VGLL4: variants seen among roughly 807,000 people sequenced by gnomAD.
VGLL4 encodes the protein transcription cofactor vestigial-like protein 4.
Under a neutral mutation model 21.0 loss-of-function variants are expected in VGLL4, and 7 were observed. That is an observed-to-expected ratio of 0.33 (90% confidence interval 0.19 to 0.63). The LOEUF (loss-of-function observed/expected upper bound fraction) is 0.63, where lower values mean the gene tolerates loss of function less well. Among genes scored for constraint, VGLL4 ranks in the 20% least tolerant of loss-of-function variants. VGLL4 has a pLI of 0.78. For synonymous variants in VGLL4, 222 were observed against 173.2 expected (o/e 1.28, Z -2.21); for missense variants, 394 against 425.7 (o/e 0.93, Z 0.66).
chr3:11,621,078 A>C (rs1413086119), intron 1 of VGLL4, among the ~76,000 whole-genome samples: 2 of 152,244 alleles, frequency 1.3e-5, no homozygotes, highest in African/African-American at 2.4e-5. Context: ...ATTTTAATGT[A>C]AGCAAATGCA....
intron 2 of VGLL4, among the ~76,000 whole-genome samples, chr3:11,600,404 G>A (rs1191104932): frequency 6.6e-6 from 1 of 152,084 alleles, no homozygotes; most frequent in East Asian, 1.9e-4. Context: ...TCTTATTTGG[G>A]TTTGGGAAAA....
chr3:11,596,823 C>T (rs545880290), intron 2 of VGLL4, among the ~76,000 whole-genome samples: 1 of 152,088 alleles, frequency 6.6e-6, no homozygotes, highest in African/African-American at 2.4e-5. Flanking sequence ...AGTCTAGAAG[C>T]AATGTGATCA....
At chr3:11,715,594 A>G (rs1465042077) in intron 1 of VGLL4, among the ~76,000 whole-genome samples, 4 of 152,118 alleles carry the variant, frequency 2.6e-5, no homozygotes, top group Admixed American at 2.6e-4. Context: ...TCGGCCTCCC[A>G]AAGTGCTGGG....
At chr3:11,715,483 A>G (rs1330258080) in intron 1 of VGLL4, among the ~76,000 whole-genome samples, 1 of 152,002 alleles carries the variant, frequency 6.6e-6, no homozygotes, top group Admixed American at 6.6e-5. Flanking sequence ...ACAGGTGCCC[A>G]CCACCATGCC....
At chr3:11,654,545 CT>C (rs1273788085) in intron 2 of VGLL4, among the ~76,000 whole-genome samples, 7 of 152,230 alleles carry the variant, frequency 4.6e-5, no homozygotes, top group South Asian at 4.1e-4. Flanking sequence ...TGAATTTTAC[CT>C]TATTAGCTTT....
At position 11,672,575 on chromosome 3, in the gene VGLL4, G is replaced by A. The variant is rs371564849; in HGVS notation, c.64+30396C>T. On this transcript the variant is annotated intron_variant, in intron 2 of 5. Coordinates refer to the VGLL4 transcript ENST00000273038. ...ATCTGTCAAACTTCTGCAAGGTAAT[G>A]ACATACTCATCCTGAGCTGTCACCT... Among the ~76,000 whole-genome samples, 9 of 152,284 alleles carry A rather than the reference G, an allele frequency of 5.9e-5. No homozygotes were observed. The South Asian group carries it at 1.9e-3, about 32-fold the overall frequency.
intron 2 of VGLL4, among the ~76,000 whole-genome samples, chr3:11,649,060 A>C (rs2075832842): frequency 1.3e-5 from 2 of 152,232 alleles, no homozygotes. Context: ...GAAGAGTTTC[A>C]TAAAGATGCT....
At chr3:11,560,695 G>A (rs114292484) in intron 3 of VGLL4, among the ~76,000 whole-genome samples, 2,873 of 152,272 alleles carry the variant, frequency 0.019, 77 homozygotes, top group African/African-American at 0.064. Context: ...GGTAGGGGGG[G>A]ATGTGGCTTA....
intron 2 of VGLL4, among the ~76,000 whole-genome samples, chr3:11,701,851 A>G (rs1397896137): frequency 6.6e-6 from 1 of 152,222 alleles, no homozygotes; most frequent in Non-Finnish European, 1.5e-5. Flanking sequence ...TAGAAAAAGA[A>G]CTGTTCCTAC....
At chr3:11,646,663 T>C (rs1465498849), upstream of VGLL4, among the ~76,000 whole-genome samples, 1 of 152,230 alleles carries the variant, frequency 6.6e-6, no homozygotes, top group Non-Finnish European at 1.5e-5. Flanking sequence ...AATACCATTG[T>C]AGAAAATGAA....
At chr3:11,619,503 G>A (rs780637189) in intron 1 of VGLL4, among the ~76,000 whole-genome samples, 1 of 152,198 alleles carries the variant, frequency 6.6e-6, no homozygotes, top group Non-Finnish European at 1.5e-5. Context: ...CCTAGGGTGT[G>A]TAATGCAATG....
intron 2 of VGLL4, among the ~76,000 whole-genome samples, chr3:11,650,671 T>C (rs2075857336): frequency 6.6e-6 from 1 of 152,134 alleles, no homozygotes; most frequent in Non-Finnish European, 1.5e-5. Flanking sequence ...ATTTAGTTAA[T>C]ACTTTCATTT....
At chr3:11,690,551 T>C (rs902517355) in intron 2 of VGLL4, among the ~76,000 whole-genome samples, 9 of 152,130 alleles carry the variant, frequency 5.9e-5, no homozygotes, top group African/African-American at 1.9e-4. Flanking sequence ...GAACAGACTT[T>C]AGGCCTCTTG....
chr3:11,720,447 T>G (rs1272144301), exon 1 of VGLL4: 1 of 152,620 alleles, frequency 6.6e-6, no homozygotes, highest in African/African-American at 2.4e-5. Flanking sequence ...GCCACTGCGC[T>G]CAGAACGGCC....
chr3:11,634,633 C>T (rs1417247337), intron 1 of VGLL4, among the ~76,000 whole-genome samples: 2 of 152,040 alleles, frequency 1.3e-5, no homozygotes, highest in Non-Finnish European at 2.9e-5. Flanking sequence ...GTGTTGCTCA[C>T]CATATGTGCA....
At chr3:11,629,485 G>A (rs575082468) in intron 1 of VGLL4, among the ~76,000 whole-genome samples, 98 of 152,222 alleles carry the variant, frequency 6.4e-4, no homozygotes, top group African/African-American at 2.2e-3. Flanking sequence ...GGCTGGAACT[G>A]GGGGCTCACA....
intron 1 of VGLL4, among the ~76,000 whole-genome samples, chr3:11,709,158 C>A (rs943679298): frequency 6.6e-6 from 1 of 151,948 alleles, no homozygotes; most frequent in African/African-American, 2.4e-5. Context: ...ATACAGAGGG[C>A]CAGGTGCAGT....
intron 2 of VGLL4, among the ~76,000 whole-genome samples, chr3:11,657,963 T>C (rs1298216554): frequency 6.6e-6 from 1 of 152,222 alleles, no homozygotes; most frequent in Non-Finnish European, 1.5e-5. Flanking sequence ...TCTTGCTCTG[T>C]TGCCCAGGCT....
chr3:11,558,571 G>C lies in VGLL4; in HGVS notation c.876C>G (p.Pro292=). Residue 292 remains proline, a synonymous_variant, in exon 5 of 5, where the codon CCC becomes CCG. Transcript: ENST00000430365. ...GGCGCTCCCTTCAGGAGACCACAGA[G>C]GGGGAGTGACTGTGGCTGACCATGT... The part of the protein sequence containing the change: ...SAHMVSHSHS[P]SVVS The C allele has an allele frequency of 1.2e-6, 2 of 1,602,510 alleles. No individual in the cohort carries two copies. The highest frequency in any genetic ancestry group is 1.7e-4 in the Middle Eastern group (1 of 6,060).
Sources: gnomAD v4.1 joint callset for allele counts (sites outside exome capture counted in the v4.1 genomes callset) on GRCh38, gnomAD v4.1.1 for gene constraint, MANE v1.5 for transcripts, NCBI Gene and HGNC (gene_info 2026-07-23, HGNC 2026-07-21) for gene names.